The following SOX6 variants were observed in gnomAD, a reference collection of about 807,000 sequenced individuals.
The protein encoded by SOX6 is SRY-box transcription factor 6, also known as transcription factor SOX-6.
A neutral mutation model predicts 97.8 loss-of-function variants in SOX6; 11 were observed. That is an observed-to-expected ratio of 0.11 (90% CI 0.07 to 0.19). The LOEUF is 0.19. Among genes scored for constraint, SOX6 ranks in the 10% least tolerant of loss-of-function variants. The probability of loss-of-function intolerance (pLI) is 1.00; values close to 1 mark genes in which losing one functional copy is unlikely to be tolerated. For missense variants in SOX6, 810 were observed against 1,039.5 expected (o/e 0.78, Z 3.04); for synonymous variants, 360 against 371.4 (o/e 0.97, Z 0.35).
chr11:16,417,320 G>T (rs749202263), intron 1 of SOX6, among the ~76,000 whole-genome samples: 1 of 152,086 alleles, frequency 6.6e-6, no homozygotes, highest in East Asian at 1.9e-4. Flanking sequence ...TCTTTGAAAG[G>T]CTCAGACACA....
chr11:16,656,986 TTTACA>T (rs1359779739), intron 3 of SOX6, among the ~76,000 whole-genome samples: 2 of 152,186 alleles, frequency 1.3e-5, no homozygotes, highest in Admixed American at 1.3e-4. Context: ...AAGTCCATAG[TTTACA>T]TTAGAGTTTA....
chr11:16,456,061 G>A (rs369489243), intron 1 of SOX6, among the ~76,000 whole-genome samples: 19 of 152,100 alleles, frequency 1.2e-4, no homozygotes, highest in Middle Eastern at 3.4e-3. Flanking sequence ...TCAAGATGTC[G>A]ATTTATTGTA....
At chr11:16,075,333 G>C (rs1465389683) in intron 9 of SOX6, among the ~76,000 whole-genome samples, 1 of 152,168 alleles carries the variant, frequency 6.6e-6, no homozygotes, top group African/African-American at 2.4e-5. Flanking sequence ...ATCTTACATA[G>C]TGGCAGGCAA....
chr11:16,522,262 T>A (rs1026537903), intron 4 of SOX6, among the ~76,000 whole-genome samples: 7 of 151,924 alleles, frequency 4.6e-5, no homozygotes, highest in African/African-American at 1.7e-4. Context: ...GGGAAGCCCA[T>A]CAGACTAACA....
At chr11:16,069,681 G>A (rs1422773182) in intron 9 of SOX6, among the ~76,000 whole-genome samples, 1 of 151,866 alleles carries the variant, frequency 6.6e-6, no homozygotes, top group Admixed American at 6.6e-5. Flanking sequence ...ACACATAAAG[G>A]GCCAAAAATT....
At chr11:16,013,850 A>T (rs1315246876) in intron 13 of SOX6, among the ~76,000 whole-genome samples, 1 of 151,988 alleles carries the variant, frequency 6.6e-6, no homozygotes. Context: ...GGATGGCCCC[A>T]GGCTCTCACT....
intron 2 of SOX6, among the ~76,000 whole-genome samples, chr11:16,329,985 G>T (rs945127912): frequency 6.6e-6 from 1 of 152,136 alleles, no homozygotes; most frequent in Non-Finnish European, 1.5e-5. Context: ...TTCATCTAGG[G>T]AAAATATCCC....
intron 1 of SOX6, among the ~76,000 whole-genome samples, chr11:16,445,855 G>T (rs1859601213): frequency 6.6e-6 from 1 of 152,056 alleles, no homozygotes; most frequent in Non-Finnish European, 1.5e-5. Context: ...GAAGTACCTG[G>T]ATTAATGCCA....
At chr11:16,115,032 T>C (rs1018744821) in intron 6 of SOX6, among the ~76,000 whole-genome samples, 2 of 152,152 alleles carry the variant, frequency 1.3e-5, no homozygotes, top group African/African-American at 2.4e-5. Context: ...AGAATTTAGG[T>C]AAATTCATTT....
At chr11:16,492,266 A>G (rs76463839) in intron 4 of SOX6, among the ~76,000 whole-genome samples, 4 of 152,326 alleles carry the variant, frequency 2.6e-5, no homozygotes, top group Non-Finnish European at 4.4e-5. Context: ...TGGTGCTGCT[A>G]CTTAGGAGTT....
intron 14 of SOX6, among the ~76,000 whole-genome samples, chr11:15,987,786 A>G (rs990616121): frequency 6.6e-6 from 1 of 151,978 alleles, no homozygotes; most frequent in Non-Finnish European, 1.5e-5. Context: ...TCAAAATAAC[A>G]TCCCTATGCA....
intron 12 of SOX6, among the ~76,000 whole-genome samples, chr11:16,022,941 C>T (rs1855110670): frequency 6.6e-6 from 1 of 152,128 alleles, no homozygotes; most frequent in African/African-American, 2.4e-5. Flanking sequence ...TTTATACTCC[C>T]TGTTACAATA....
At chr11:16,219,660 T>C (rs1184928240) in intron 4 of SOX6, among the ~76,000 whole-genome samples, 1 of 152,046 alleles carries the variant, frequency 6.6e-6, no homozygotes, top group Non-Finnish European at 1.5e-5. Context: ...TTCATAAAAA[T>C]ACCATTTGGA....
intron 3 of SOX6, among the ~76,000 whole-genome samples, chr11:16,276,060 T>G (rs1854392265): frequency 6.6e-6 from 1 of 152,180 alleles, no homozygotes; most frequent in Admixed American, 6.5e-5. Flanking sequence ...GTATGTAGAA[T>G]GAGGTCAGAG....
At chr11:16,274,679 G>A (rs968918629) in intron 3 of SOX6, among the ~76,000 whole-genome samples, 3 of 152,182 alleles carry the variant, frequency 2.0e-5, no homozygotes, top group Non-Finnish European at 4.4e-5. Flanking sequence ...GATTAAAGGC[G>A]CTGTATTCAT....
chr11:16,520,146 T>C (rs558694652), intron 4 of SOX6, among the ~76,000 whole-genome samples: 2 of 152,316 alleles, frequency 1.3e-5, no homozygotes, highest in African/African-American at 4.8e-5. Context: ...ATTCTGTAGG[T>C]TGTCTGTTTA....
intron 3 of SOX6, among the ~76,000 whole-genome samples, chr11:16,292,770 G>A (rs1288025467): frequency 1.3e-5 from 2 of 152,176 alleles, no homozygotes; most frequent in Non-Finnish European, 2.9e-5. Context: ...TACAGCTAAT[G>A]TCTGAACAGC....
At chr11:16,256,313 G>C (rs1429544655) in intron 3 of SOX6, among the ~76,000 whole-genome samples, 1 of 151,792 alleles carries the variant, frequency 6.6e-6, no homozygotes, top group Non-Finnish European at 1.5e-5. Flanking sequence ...GAAAATATTA[G>C]CTAATTGAAT....
At chr11:16,494,342 C>CTCCA (rs1042683600) in intron 4 of SOX6, among the ~76,000 whole-genome samples, 1 of 152,118 alleles carries the variant, frequency 6.6e-6, no homozygotes, top group Non-Finnish European at 1.5e-5. Context: ...CGCCATTGCA[C>CTCCA]TCCAGCCTGG....
Sources: gnomAD v4.1 joint callset for allele counts (sites outside exome capture counted in the v4.1 genomes callset) on GRCh38, gnomAD v4.1.1 for gene constraint, MANE v1.5 for transcripts, NCBI Gene and HGNC (gene_info 2026-07-23, HGNC 2026-07-21) for gene names.